ZNF608: variants seen among roughly 807,000 people sequenced by gnomAD.
The protein encoded by ZNF608 is renal carcinoma antigen NY-REN-36.
A neutral mutation model predicts 109.0 loss-of-function variants in ZNF608; 12 were observed. The ratio of observed to expected loss-of-function variants is 0.11; its 90% CI spans 0.07 to 0.18. The LOEUF (loss-of-function observed/expected upper bound fraction) is 0.18. ZNF608 is among the 10% of genes least tolerant of loss of function. ZNF608 has a pLI of 1.00. For missense variants in ZNF608, 1,707 were observed against 1,879.3 expected, an observed-to-expected ratio of 0.91 and a Z score of 1.70; for synonymous variants, 732 against 717.4, an observed-to-expected ratio of 1.02 and a Z score of -0.33.
intron 2 of ZNF608, among the ~76,000 whole-genome samples, chr5:124,712,335 C>T (rs189807468): frequency 2.0e-5 from 3 of 152,170 alleles, no homozygotes; most frequent in Admixed American, 6.5e-5. Flanking sequence ...GGCAGAGGAT[C>T]GCCTGTTGGG....
At chr5:124,652,958 C>G (rs76891971) in intron 3 of ZNF608, among the ~76,000 whole-genome samples, 22,662 of 152,238 alleles carry the variant, frequency 0.15, 2,223 homozygotes, top group Middle Eastern at 0.22. Context: ...ATTCAAACAT[C>G]TAGCCAGTGA....
intron 3 of ZNF608, among the ~76,000 whole-genome samples, chr5:124,675,764 C>T (rs144672611): frequency 1.3e-5 from 2 of 152,264 alleles, no homozygotes; most frequent in African/African-American, 2.4e-5. Flanking sequence ...CCCCTCACGG[C>T]GTTAGGCACT....
rs773286809 is a variant in ZNF608, at chr5:124,744,905, C to T, written c.85G>A (p.Gly29Arg). ...TYDSGDDWEI[G>R]VGNLIIDLDA... ...AAATCAATTATTAAATTTCCAACCC[C>T]GATTTCCCAATCATCGCCACTGTCA... The change falls in exon 2 of 10, where the codon GGG becomes AGG. Residue 29 changes from glycine (G) to arginine (R), a missense_variant. Gly to Arg is a moderately radical substitution (Grantham distance 125). This residue lies in a region of ZNF608 where 5 missense variants were observed against 32.9 expected (regional missense o/e 0.15). Coordinates refer to ENST00000513986, the MANE Select transcript of ZNF608 (RefSeq NM_020747.3). This position sits in a 1 kb window ranked among gnomAD's most constrained non-coding sequence, Gnocchi z 4.5. 167 of 1,614,030 alleles carry T rather than the reference C, an allele frequency of 1.0e-4. No individual in the cohort carries two copies. The highest frequency in any genetic ancestry group is 1.4e-4 in the Non-Finnish European group (161 of 1,180,032).
intron 2 of ZNF608, among the ~76,000 whole-genome samples, chr5:124,723,899 T>C (rs1754035576): frequency 1.3e-5 from 2 of 152,090 alleles, no homozygotes; most frequent in Non-Finnish European, 1.5e-5. Context: ...ACTCACTAGA[T>C]AATCAAAGGT....
chr5:124,638,443 G>A (rs975041415), intron 9 of ZNF608, among the ~76,000 whole-genome samples: 2 of 152,076 alleles, frequency 1.3e-5, no homozygotes, highest in East Asian at 3.9e-4. Context: ...TTTTATTAGA[G>A]ATGGGGTTTC....
At chr5:124,639,077 C>T (rs898263375) in intron 9 of ZNF608, 56 bp downstream of exon 9, 58 of 1,547,644 alleles carry the variant, frequency 3.7e-5, no homozygotes, top group Non-Finnish European at 4.4e-5. Flanking sequence ...CTTGCTTCCT[C>T]CCAACCATTA....
Position 124,679,528 on chromosome 5 carries a change from T to C in ZNF608, c.1162+21486A>G, listed in dbSNP as rs182824501. Among the ~76,000 whole-genome samples, 493 of 151,932 alleles carry C rather than the reference T, an allele frequency of 3.2e-3. 1 individual carries two copies. The highest frequency in any genetic ancestry group is 0.011 in the African/African-American group (457 of 41,446). On this transcript the variant is annotated intron_variant, in intron 3 of 9. Coordinates refer to ENST00000513986, the MANE Select transcript of ZNF608 (RefSeq NM_020747.3). ...CAATGTGCTGGGCACCGGGGCTACA[T>C]ACATGGACAAGAGAGAGAAAAATCC...
chr5:124,666,395 C>T (rs1044079369), intron 3 of ZNF608: 2 of 152,200 alleles, frequency 1.3e-5, no homozygotes, highest in African/African-American at 4.8e-5. Context: ...CCCATTGCTT[C>T]TAATAGGCAC....
upstream of ZNF608, chr5:124,748,633 A>G: frequency 2.2e-6 from 2 of 907,718 alleles, no homozygotes; most frequent in South Asian, 1.0e-4. Context: ...CAACAAATTT[A>G]TTATTAAAGA....
chr5:124,648,578 C>G lies in ZNF608; in HGVS notation c.1806G>C (p.Leu602Phe). ...CACTGCATTCAAGTGCCACATTACT[C>G]AATCCTTCCTCACAGTCCGAGATCT... Reference protein sequence around the residue: ...EDKISDCEEGLSNVALECSEP... With the variant: ...EDKISDCEEGFSNVALECSEP... Residue 602 changes from leucine to phenylalanine, a missense_variant, in exon 5 of 10, where the codon TTG (leucine) becomes TTC (phenylalanine). Transcript: ENST00000513986. 1 of 1,614,214 alleles carries G rather than the reference C, an allele frequency of 6.2e-7. No individual in the cohort carries two copies.
At chr5:124,684,909 C>T (rs1168132301) in intron 3 of ZNF608, among the ~76,000 whole-genome samples, 1 of 152,164 alleles carries the variant, frequency 6.6e-6, no homozygotes, top group Non-Finnish European at 1.5e-5. Flanking sequence ...TGCAACAATA[C>T]ATTTTTTAAA....
chr5:124,640,500 A>C (rs995262107), intron 8 of ZNF608, among the ~76,000 whole-genome samples: 1 of 152,228 alleles, frequency 6.6e-6, no homozygotes, highest in Non-Finnish European at 1.5e-5. Flanking sequence ...GCCTGAGCAG[A>C]CGCTGGCTGT....
In ZNF608 at chr5:124,669,496, A is replaced by G. The variant is rs114535526; in HGVS notation, c.1163-19799T>C. 2.9e-3 allele frequency among the ~76,000 whole-genome samples: 437 copies of G among 152,282 alleles called. 3 individuals are homozygous for G. The highest frequency in any genetic ancestry group is 8.7e-3 in the African/African-American group (363 of 41,566). Reference sequence around the variant, plus strand: ...CAGCATACAATACAATACTCAAAACAAATGGGCTGTCCCTGCCAAGTGAAC... The same window carrying G: ...CAGCATACAATACAATACTCAAAACGAATGGGCTGTCCCTGCCAAGTGAAC... On this transcript the variant is annotated intron_variant, in intron 3 of 9. Coordinates refer to ENST00000513986, the MANE Select transcript of ZNF608 (RefSeq NM_020747.3).
intron 3 of ZNF608, among the ~76,000 whole-genome samples, chr5:124,682,797 A>G (rs76090648): frequency 0.011 from 1,717 of 152,356 alleles, 28 homozygotes; most frequent in African/African-American, 0.038. Flanking sequence ...GTCATAATGT[A>G]AAAACTGAAT....
rs1749551674 is a variant in ZNF608 at position 124,744,369 on chromosome 5, C to A, written c.621G>T (p.Ala207=). 7.4e-6 allele frequency: 12 copies of A among 1,614,262 alleles called. No homozygotes were observed. The highest frequency in any genetic ancestry group is 1.0e-5 in the Non-Finnish European group (12 of 1,180,054). ...CGTGCTTGTCCTTCCTGGATTTCCC[C>A]GCATCCTTATCCCGCTTGGCGCCTC... ...SSRGAKRDKD[A]GKSRKDKHDL... Residue 207 remains alanine (A), a synonymous_variant, in exon 2 of 10, where the codon GCG becomes GCT. Transcript: ENST00000513986. The surrounding 1 kb of genome is among the most constrained non-coding windows in gnomAD (Gnocchi z 4.5).
chr5:124,673,742 C>G (rs1751825009), intron 3 of ZNF608, among the ~76,000 whole-genome samples: 1 of 152,082 alleles, frequency 6.6e-6, no homozygotes, highest in Admixed American at 6.5e-5. Flanking sequence ...TATAATAAGA[C>G]TTCTCATCAG....
In ZNF608 at chr5:124,648,770, T is replaced by C; in HGVS notation, c.1614A>G (p.Pro538=). 1.2e-6 allele frequency: 2 copies of C among 1,614,226 alleles called. No individual in the cohort carries two copies. Among genetic ancestry groups the C allele is most frequent in the South Asian group, 2.2e-5 (2 of 91,084 alleles). Residue 538 remains proline, a synonymous_variant, in exon 5 of 10, where the codon CCA becomes CCG. Coordinates refer to ENST00000513986, the MANE Select transcript of ZNF608 (RefSeq NM_020747.3). ...AGCCTTGGTCCAAAAAAGTAGTCTC[T>C]GGTTTCCCTTGAGGGGTAGTGGGAG... ...RSTPTTPQGK[P]ETTFLDQGCS...
At chr5:124,649,184 G>A in intron 4 of ZNF608, 51 bp from the exon 5 acceptor site, 1 of 1,460,022 alleles carries the variant, frequency 6.8e-7, no homozygotes, top group Middle Eastern at 1.8e-4. Context: ...AAAGAGCCAG[G>A]TGAAATCACA....
At chr5:124,668,763 A>C (rs1331419316) in intron 3 of ZNF608, among the ~76,000 whole-genome samples, 2 of 152,212 alleles carry the variant, frequency 1.3e-5, no homozygotes, top group Non-Finnish European at 2.9e-5. Flanking sequence ...CAGTAAGACT[A>C]ACACAAAGCT....
Sources: gnomAD v4.1 joint callset for allele counts (sites outside exome capture counted in the v4.1 genomes callset) on GRCh38, gnomAD v4.1.1 for gene constraint, gnomAD v4.1.1 regional missense constraint, Gnocchi (gnomAD v3.1) non-coding constraint, MANE v1.5 for transcripts, NCBI Gene and HGNC (gene_info 2026-07-23, HGNC 2026-07-21) for gene names.